Variants in BRI3BP observed in about 807,000 individuals in gnomAD.
The protein encoded by BRI3BP is BRI3 binding protein.
BRI3BP carries 7 observed loss-of-function variants against 15.8 expected under a neutral mutation model. That is an observed-to-expected ratio of 0.44 (90% CI 0.25 to 0.83). The LOEUF (loss-of-function observed/expected upper bound fraction) is 0.83. Ranked by LOEUF, BRI3BP falls within the 40% of genes least tolerant of loss-of-function variation. The probability of loss-of-function intolerance (pLI) is 0.20; values close to 1 mark genes in which losing one functional copy is unlikely to be tolerated. For synonymous variants in BRI3BP, 192 were observed against 163.5 expected (o/e 1.17, Z -1.33); for missense variants, 320 against 339.3 (o/e 0.94, Z 0.45).
At chr12:125,020,751 A>G (rs1220172513) in intron 2 of BRI3BP, among the ~76,000 whole-genome samples, 1 of 152,074 alleles carries the variant, frequency 6.6e-6, no homozygotes, top group African/African-American at 2.4e-5. Flanking sequence ...TTGGTGGTGC[A>G]TGCTTGTAGT....
chr12:125,047,877 A>G, the BRI3BP span, among the ~76,000 whole-genome samples: 3 of 151,588 alleles, frequency 2.0e-5, no homozygotes, highest in Non-Finnish European at 4.4e-5. Context: ...TTGTATTTTT[A>G]GTAGAGATGG....
chr12:125,047,677 G>A, the BRI3BP span, among the ~76,000 whole-genome samples: 16 of 151,790 alleles, frequency 1.1e-4, no homozygotes, highest in Admixed American at 2.0e-4. Context: ...TGCCCAGCCC[G>A]TTTTATACAG....
At position 125,025,635 on chromosome 12, in the gene BRI3BP, A is replaced by T. The variant is rs898145987; in HGVS notation, c.*205A>T. The T allele has an allele frequency of 3.6e-6, 2 of 559,358 alleles. No individual in the cohort carries two copies. Among genetic ancestry groups the T allele is most frequent in the Admixed American group, 6.9e-5 (2 of 28,794 alleles). 34.6% of individuals were successfully genotyped at this position (559,358 alleles called of 1,614,324 possible). ...AAAGATCATTGACGTGGAACTACAC[A>T]CGAAGTGTAATTAGTGGGGGAAAAA... On this transcript the variant is annotated 3_prime_UTR_variant, in exon 3 of 3. Coordinates refer to ENST00000341446, the MANE Select transcript of BRI3BP (RefSeq NM_080626.6).
At chr12:125,032,515 A>T (rs2136004605), downstream of BRI3BP, among the ~76,000 whole-genome samples, 1 of 152,274 alleles carries the variant, frequency 6.6e-6, no homozygotes, top group South Asian at 2.1e-4. Context: ...CACGCCTGTC[A>T]TCCCAGCACT....
the BRI3BP span, among the ~76,000 whole-genome samples, chr12:125,038,773 T>A: frequency 3.6e-5 from 5 of 139,330 alleles, no homozygotes; most frequent in African/African-American, 1.3e-4. Context: ...CTCAAAAAAA[T>A]TAAAAATAAA....
rs1955278838 is a variant in BRI3BP at position 125,019,660 on chromosome 12, C to CTTTTTTTTTTTTTT, written c.317-5325_317-5324insTTTTTTTTTTTTTT. Among the ~76,000 whole-genome samples, 129 of 24,688 alleles carry CTTTTTTTTTTTTTT rather than the reference C, an allele frequency of 5.2e-3. 13 individuals carry two copies. Among genetic ancestry groups the CTTTTTTTTTTTTTT allele is most frequent in the African/African-American group, 7.4e-3 (57 of 7,712 alleles). The allele number at this position is 24,688 out of a possible 152,430, so 16.2% of individuals were successfully genotyped here. ...CTTTTTTTTTTTTTTTTTTTTTTGC[C>CTTTTTTTTTTTTTT]TTTTTTGCTGTGAGTACTTGAAAAT... On this transcript the variant is annotated intron_variant, in intron 2 of 2. Coordinates refer to ENST00000341446, the MANE Select transcript of BRI3BP (RefSeq NM_080626.6).
intron 2 of BRI3BP, among the ~76,000 whole-genome samples, chr12:125,023,079 T>C (rs2135999511): frequency 6.6e-6 from 1 of 152,370 alleles, no homozygotes; most frequent in African/African-American, 2.4e-5. Flanking sequence ...TACTCTTACA[T>C]TTCACTGCAT....
At chr12:124,999,337 C>G (rs1311728970) in intron 1 of BRI3BP, among the ~76,000 whole-genome samples, 1 of 152,200 alleles carries the variant, frequency 6.6e-6, no homozygotes. Flanking sequence ...GCCAGATATT[C>G]TGAACATGTA....
At chr12:125,039,708 G>A in the BRI3BP span, among the ~76,000 whole-genome samples, 4 of 151,802 alleles carry the variant, frequency 2.6e-5, no homozygotes, top group Non-Finnish European at 5.9e-5. Context: ...AAAAGGGTTC[G>A]TTCATTCATT....
At chr12:125,022,090 A>G (rs1444920502) in intron 2 of BRI3BP, among the ~76,000 whole-genome samples, 2 of 151,372 alleles carry the variant, frequency 1.3e-5, no homozygotes, top group South Asian at 4.2e-4. Flanking sequence ...AAAAAAAAAA[A>G]AAAAAAAAAA....
rs140241940 is a variant in BRI3BP, at chr12:125,010,316, G to C, written c.214-2218G>C. On this transcript the variant is annotated intron_variant, in intron 1 of 2. Coordinates refer to ENST00000341446, the MANE Select transcript of BRI3BP (RefSeq NM_080626.6). ...GCTCATGGACACCCAGCTAGTAAGA[G>C]GCAGAGCTGGGATTTGAACCCATGC... is the stretch of plus-strand genomic sequence containing the variant. Among the ~76,000 whole-genome samples, 73 of 152,286 alleles carry C rather than the reference G, an allele frequency of 4.8e-4. 1 individual carries two copies. The highest frequency in any genetic ancestry group is 1.6e-3 in the African/African-American group (65 of 41,554).
chr12:124,994,143 C>T (rs907489430), intron 1 of BRI3BP, 140 bp downstream of exon 1: 45 of 512,108 alleles, frequency 8.8e-5, no homozygotes, highest in African/African-American at 8.7e-4. Context: ...GCCTGCGCCT[C>T]GGGGCCTGCC....
rs145738187 is a variant in BRI3BP, at chr12:125,026,442, C to A, written c.*1012C>A. 1.3e-5 allele frequency: 2 copies of A among 152,032 alleles called. No homozygotes were observed. The highest frequency in any genetic ancestry group is 2.4e-5 in the African/African-American group (1 of 41,456). The allele number at this position is 152,032 out of a possible 1,614,324, so 9.4% of individuals were successfully genotyped here. A position where few individuals can be genotyped will look rare whatever the true frequency, so the allele number is the denominator to read the frequency against. ...GGAACAATTAGCAGCAATAAGCAAGCCTTTGAAAAGATCTGAATTCTTTTT... is the reference window on the plus strand; with the variant it reads ...GGAACAATTAGCAGCAATAAGCAAGACTTTGAAAAGATCTGAATTCTTTTT... On this transcript the variant is annotated 3_prime_UTR_variant, in exon 3 of 3. Transcript: ENST00000341446.
intron 1 of BRI3BP, among the ~76,000 whole-genome samples, chr12:125,003,550 A>AT: frequency 6.6e-6 from 1 of 152,030 alleles, no homozygotes; most frequent in Non-Finnish European, 1.5e-5. Context: ...TCCTTCCTAA[A>AT]TTTTTTTGAG....
In BRI3BP at chr12:124,993,898, G is replaced by A. The variant is rs1406439204; in HGVS notation, c.108G>A (p.Arg36=). 1.6e-6 allele frequency: 2 copies of A among 1,269,218 alleles called. No individual in the cohort carries two copies. Among genetic ancestry groups the A allele is most frequent in the Non-Finnish European group, 2.0e-6 (2 of 1,000,192 alleles). 78.6% of individuals were successfully genotyped at this position (1,269,218 alleles called of 1,614,324 possible). The part of the protein sequence containing the change: ...GLLAPGAQGA[R]GRGGAEKNSY... ...TGGCCCCGGGCGCGCAGGGGGCGCG[G>A]GGCCGCGGCGGCGCGGAGAAGAACA... The change falls in exon 1 of 3, where the codon CGG becomes CGA. Residue 36 remains arginine (R), a synonymous_variant. Transcript: ENST00000341446.
At chr12:125,032,867 G>A (rs1048703938), downstream of BRI3BP, among the ~76,000 whole-genome samples, 1 of 152,208 alleles carries the variant, frequency 6.6e-6, no homozygotes, top group Admixed American at 6.5e-5. Context: ...ATCGGATGGG[G>A]ATTAAGAGGA....
chr12:125,008,266 C>T (rs1303878215), intron 1 of BRI3BP, among the ~76,000 whole-genome samples: 1 of 151,682 alleles, frequency 6.6e-6, no homozygotes, highest in African/African-American at 2.4e-5. Context: ...CCTACCCCCA[C>T]CCAAGGGAGG....
At chr12:125,016,430 C>T (rs950400394) in intron 2 of BRI3BP, among the ~76,000 whole-genome samples, 18 of 148,630 alleles carry the variant, frequency 1.2e-4, no homozygotes, top group Admixed American at 1.0e-3. Flanking sequence ...AAAATGTGAG[C>T]CCCCTAGGTG....
At chr12:125,011,036 G>A (rs1164501388) in intron 1 of BRI3BP, among the ~76,000 whole-genome samples, 2 of 148,526 alleles carry the variant, frequency 1.3e-5, no homozygotes, top group East Asian at 2.0e-4. Context: ...GGAGGCTGCA[G>A]TGAGCCGAGA....
Sources: gnomAD v4.1 joint callset for allele counts (sites outside exome capture counted in the v4.1 genomes callset) on GRCh38, gnomAD v4.1.1 for gene constraint, MANE v1.5 for transcripts, NCBI Gene and HGNC (gene_info 2026-07-23, HGNC 2026-07-21) for gene names.